Variants in BDKRB2 observed in about 807,000 individuals in gnomAD.
BDKRB2 encodes B2 bradykinin receptor.
A neutral mutation model predicts 4.0 loss-of-function variants in BDKRB2; 6 were observed. The ratio of observed to expected loss-of-function variants is 1.49; its 90% CI spans 0.81 to 2.93. BDKRB2 has a LOEUF of 2.93. Ranked by LOEUF, BDKRB2 falls within the 30% of genes most tolerant of loss-of-function variation. BDKRB2 has a pLI of 0.00. For missense variants in BDKRB2, 478 were observed against 520.1 expected (o/e 0.92, Z 0.79); for synonymous variants, 225 against 215.3 (o/e 1.05, Z -0.40).
In BDKRB2 at chr14:96,240,742, C is replaced by G; in HGVS notation, c.414C>G (p.Ser138=). 1 of 1,594,342 alleles carries G rather than the reference C, an allele frequency of 6.3e-7. No individual in the cohort carries two copies. Among genetic ancestry groups the G allele is most frequent in the Non-Finnish European group, 8.5e-7 (1 of 1,171,340 alleles). The change falls in exon 3 of 3, where the codon TCC becomes TCG. Residue 138 remains serine, a synonymous_variant. Coordinates refer to ENST00000554311, the MANE Select transcript of BDKRB2 (RefSeq NM_001379692.1). Reference sequence around the variant, plus strand: ...GCCGCGTGGTGAATGCCATTATCTCCATGAACCTGTACAGCAGCATCTGTT... The same window carrying G: ...GCCGCGTGGTGAATGCCATTATCTCGATGAACCTGTACAGCAGCATCTGTT... ...TLCRVVNAII[S]MNLYSSICFL... is the part of the protein sequence containing the mutation.
rs977355219 is a variant in BDKRB2 at position 96,204,890 on chromosome 14, G to C, written c.-109G>C. 10 of 255,356 alleles carry C rather than the reference G, an allele frequency of 3.9e-5. No homozygotes were observed. The highest frequency in any genetic ancestry group is 3.4e-4 in the Admixed American group (6 of 17,530). 15.8% of individuals were successfully genotyped at this position (255,356 alleles called of 1,614,324 possible). Reference sequence around the variant, plus strand: ...AGGAGGGGTGGGGACGGTGGGGACGGTGGGGACATCAGGCTGCCCCGCAGT... The same window carrying C: ...AGGAGGGGTGGGGACGGTGGGGACGCTGGGGACATCAGGCTGCCCCGCAGT... On this transcript the variant is annotated 5_prime_UTR_variant, in exon 1 of 3. Transcript: ENST00000554311.
chr14:96,206,849 A>G lies in BDKRB2; in HGVS notation c.-40+1890A>G, dbSNP rs551477830. Among the ~76,000 whole-genome samples, 9 of 152,118 alleles carry G rather than the reference A, an allele frequency of 5.9e-5. No individual in the cohort carries two copies. In the East Asian group the frequency reaches 1.4e-3, roughly 23 times the overall value. On this transcript the variant is annotated intron_variant, in intron 1 of 2. Coordinates refer to ENST00000554311, the MANE Select transcript of BDKRB2 (RefSeq NM_001379692.1). The stretch of plus-strand genomic sequence containing the variant: ...CTGGGTAATTTATCAAAAAACAGAC[A>G]TTTATTGCTCTCGGTGCTGGAGGCT...
Position 96,237,818 on chromosome 14 carries a change from G to T in BDKRB2, c.74+637G>T, listed in dbSNP as rs748740277. 8.6e-5 allele frequency: 111 copies of T among 1,289,668 alleles called. No homozygotes were observed. In the Admixed American group the frequency reaches 2.5e-3, roughly 29 times the overall value. The allele number at this position is 1,289,668 out of a possible 1,614,324, so 79.9% of individuals were successfully genotyped here. A position where few individuals can be genotyped will look rare whatever the true frequency, so the allele number is the denominator to read the frequency against. Reference sequence around the variant, plus strand: ...CGCACTCAGCAGGCATCTTTCTGATGATCCGATGGCTTCTCAGAGCCAGGG... The same window carrying T: ...CGCACTCAGCAGGCATCTTTCTGATTATCCGATGGCTTCTCAGAGCCAGGG... On this transcript the variant is annotated intron_variant, in intron 2 of 2. Transcript: ENST00000554311.
At chr14:96,219,209 G>A (rs959458002) in intron 1 of BDKRB2, among the ~76,000 whole-genome samples, 3 of 151,882 alleles carry the variant, frequency 2.0e-5, no homozygotes, top group Admixed American at 6.5e-5. Context: ...GGCTGAGGCA[G>A]GAGAATCGCT....
chr14:96,221,103 C>T (rs995511381), intron 1 of BDKRB2, among the ~76,000 whole-genome samples: 9 of 152,078 alleles, frequency 5.9e-5, no homozygotes, highest in African/African-American at 2.2e-4. Flanking sequence ...CTGGACAAGT[C>T]ACCTCACTGC....
intron 1 of BDKRB2, among the ~76,000 whole-genome samples, chr14:96,232,724 G>A (rs978509576): frequency 1.3e-5 from 2 of 152,164 alleles, no homozygotes; most frequent in African/African-American, 2.4e-5. Context: ...CGGACACCAC[G>A]CTGAGACGTT....
Position 96,230,913 on chromosome 14 carries a change from G to T in BDKRB2, c.-39-6156G>T, listed in dbSNP as rs527726359. On this transcript the variant is annotated intron_variant, in intron 1 of 2. Transcript: ENST00000554311. ...TTACAGGCGTGAGCCACAGCACCCAGCCTAGTTATTTATTTATTTATTTTT... is the reference window on the plus strand; with the variant it reads ...TTACAGGCGTGAGCCACAGCACCCATCCTAGTTATTTATTTATTTATTTTT... Among the ~76,000 whole-genome samples the T allele has an allele frequency of 2.0e-5, 3 of 152,138 alleles. No individual in the cohort carries two copies. In the South Asian group the frequency reaches 6.2e-4, roughly 32 times the overall value.
intron 1 of BDKRB2, among the ~76,000 whole-genome samples, chr14:96,208,170 A>C (rs936638384): frequency 1.3e-5 from 2 of 152,152 alleles, no homozygotes; most frequent in African/African-American, 4.8e-5. Context: ...CCCCTTGAAA[A>C]GTGTTAAATC....
At chr14:96,228,741 G>T (rs1469332900) in intron 1 of BDKRB2, among the ~76,000 whole-genome samples, 1 of 152,174 alleles carries the variant, frequency 6.6e-6, no homozygotes, top group Non-Finnish European at 1.5e-5. Flanking sequence ...TTGTGGGTGG[G>T]GCTTTTGCCA....
chr14:96,213,734 A>T (rs1890355871), intron 1 of BDKRB2, among the ~76,000 whole-genome samples: 1 of 152,092 alleles, frequency 6.6e-6, no homozygotes, highest in African/African-American at 2.4e-5. Flanking sequence ...CCATTGACAT[A>T]TGCCTGAGCC....
rs1442067877 is a variant in BDKRB2 at position 96,244,000 on chromosome 14, A to T, written c.*2496A>T. 1 of 392,650 alleles carries T rather than the reference A, an allele frequency of 2.5e-6. No homozygotes were observed. The highest frequency in any genetic ancestry group is 2.1e-5 in the African/African-American group (1 of 48,654). 24.3% of individuals were successfully genotyped at this position (392,650 alleles called of 1,614,324 possible). ...GGGGCAACTGAGTCTGCGGGAGAAGAGCGGCCCTATGCATGGTGTAGATGC... is the reference window on the plus strand; with the variant it reads ...GGGGCAACTGAGTCTGCGGGAGAAGTGCGGCCCTATGCATGGTGTAGATGC... On this transcript the variant is annotated 3_prime_UTR_variant, in exon 3 of 3. Transcript: ENST00000554311.
chr14:96,216,727 AGGAGGAAGG>A (rs1566688871), intron 1 of BDKRB2, among the ~76,000 whole-genome samples: 10 of 94,622 alleles, frequency 1.1e-4, no homozygotes, highest in East Asian at 3.5e-4. Context: ...AGGAAGGAGG[AGGAGGAAGG>A]AGGAGGAGGA....
intron 1 of BDKRB2, among the ~76,000 whole-genome samples, chr14:96,227,141 G>A (rs1890714940): frequency 6.6e-6 from 1 of 152,210 alleles, no homozygotes. Flanking sequence ...ACAGGCTGGG[G>A]GAGGTTGGGC....
At chr14:96,237,951 C>A in intron 2 of BDKRB2, 1 of 1,206,834 alleles carries the variant, frequency 8.3e-7, no homozygotes, top group South Asian at 1.5e-5. Flanking sequence ...AGATGACAGA[C>A]TCTCCAAGCC....
chr14:96,211,677 C>G (rs905401974), intron 1 of BDKRB2, among the ~76,000 whole-genome samples: 1 of 152,200 alleles, frequency 6.6e-6, no homozygotes, highest in East Asian at 1.9e-4. Context: ...CCTCCTCCTC[C>G]CGCTCCTCCT....
At chr14:96,238,346 A>T (rs1890986206) in intron 2 of BDKRB2, 1 of 636,386 alleles carries the variant, frequency 1.6e-6, no homozygotes, top group African/African-American at 2.0e-5. Flanking sequence ...TAGCCTCAGA[A>T]ATCACACACC....
At chr14:96,220,014 C>T (rs564196231) in intron 1 of BDKRB2, among the ~76,000 whole-genome samples, 1 of 151,948 alleles carries the variant, frequency 6.6e-6, no homozygotes, top group East Asian at 1.9e-4. Flanking sequence ...CTGGTCACTG[C>T]GAGAGTATTT....
chr14:96,212,292 C>A (rs1890320265), intron 1 of BDKRB2, among the ~76,000 whole-genome samples: 1 of 151,962 alleles, frequency 6.6e-6, no homozygotes, highest in Admixed American at 6.5e-5. Context: ...ATTTGAGAAA[C>A]AACTAACTAT....
At chr14:96,239,585 G>C (rs1885217242) in intron 2 of BDKRB2, 1 of 985,162 alleles carries the variant, frequency 1.0e-6, no homozygotes, top group African/African-American at 1.7e-5. Context: ...TGCAAGAATT[G>C]TTAATTACTA....
Sources: gnomAD v4.1 joint callset for allele counts (sites outside exome capture counted in the v4.1 genomes callset) on GRCh38, gnomAD v4.1.1 for gene constraint, MANE v1.5 for transcripts, NCBI Gene and HGNC (gene_info 2026-07-23, HGNC 2026-07-21) for gene names.